ZC3H18: variants seen among roughly 807,000 people sequenced by gnomAD.
ZC3H18 encodes zinc finger CCCH-type containing 18, also known as zinc finger CCCH domain-containing protein 18.
A neutral mutation model predicts 106.1 loss-of-function variants in ZC3H18; 8 were observed. The ratio of observed to expected loss-of-function variants is 0.08; its 90% CI spans 0.04 to 0.14. ZC3H18 has a LOEUF of 0.14. Among genes scored for constraint, ZC3H18 ranks in the 10% least tolerant of loss-of-function variants. The pLI, the probability that ZC3H18 is intolerant of heterozygous loss-of-function variation, is 1.00. For missense variants in ZC3H18, 1,318 were observed against 1,278.4 expected (o/e 1.03, Z -0.47); for synonymous variants, 635 against 522.1 (o/e 1.22, Z -2.95).
intron 3 of ZC3H18, chr16:88,587,671 G>A (rs1915515824): frequency 6.9e-7 from 1 of 1,448,478 alleles, no homozygotes; most frequent in South Asian, 1.2e-5. Context: ...TACTCCAGAG[G>A]CCAGACTTCC....
At chr16:88,572,085 C>T (rs148888048) in intron 1 of ZC3H18, among the ~76,000 whole-genome samples, 2 of 152,326 alleles carry the variant, frequency 1.3e-5, no homozygotes, top group African/African-American at 2.4e-5. Context: ...TGGTAGCTCA[C>T]CTTATCAGGT....
chr16:88,570,764 C>A (rs1320178396), intron 1 of ZC3H18, among the ~76,000 whole-genome samples, 198 bp downstream of exon 1: 1 of 151,972 alleles, frequency 6.6e-6, no homozygotes, highest in Non-Finnish European at 1.5e-5. Flanking sequence ...CGAGTTCCGT[C>A]CGTAAGCCGG....
chr16:88,630,444 G>T, intron 16 of ZC3H18, 41 bp from the exon 17 acceptor site: 2 of 1,559,458 alleles, frequency 1.3e-6, no homozygotes, highest in Non-Finnish European at 1.8e-6. Context: ...GCCATTCCCT[G>T]TACATCAGGA....
chr16:88,611,231 C>T (rs764952680), intron 7 of ZC3H18, 37 bp from the exon 8 acceptor site: 2 of 736,728 alleles, frequency 2.7e-6, no homozygotes, highest in South Asian at 1.5e-5. Context: ...ACCCAAATAA[C>T]GCACGGTGTC....
Position 88,627,965 on chromosome 16 carries a change from G to A in ZC3H18, c.2315G>A (p.Arg772Lys). Residue 772 changes from arginine (R) to lysine (K), a missense_variant, in exon 15 of 18, where the codon AGG becomes AAG. Around this residue, in one of 6 missense-constraint regions of ZC3H18, gnomAD observed 848 missense variants for 821.7 expected, o/e 1.03. Transcript: ENST00000301011. This position sits in a 1 kb window ranked among gnomAD's most constrained non-coding sequence, Gnocchi z 4.5. ...GGTGTTAAAGAGGAAAAGCGGAAAA[G>A]GGATTCGTCCACACAACCACCCAAA... Reference protein sequence around the residue: ...EDGVKEEKRKRDSSTQPPKSA... With the variant: ...EDGVKEEKRKKDSSTQPPKSA... 6.2e-7 allele frequency: 1 copy of A among 1,614,146 alleles called. No homozygotes were observed. The highest frequency in any genetic ancestry group is 8.5e-7 in the Non-Finnish European group (1 of 1,180,040).
intron 6 of ZC3H18, 174 bp from the exon 7 acceptor site, chr16:88,608,760 C>T: frequency 5.6e-6 from 3 of 534,036 alleles, no homozygotes; most frequent in Non-Finnish European, 1.0e-5. Flanking sequence ...TGACTTCTGG[C>T]CTGCTCTTAG....
intron 12 of ZC3H18, 63 bp downstream of exon 12, chr16:88,624,808 G>A: frequency 6.6e-7 from 1 of 1,524,080 alleles, no homozygotes; most frequent in Non-Finnish European, 8.8e-7. Context: ...TGTGATGCTG[G>A]CACTGCTGGA....
chr16:88,583,887 G>A (rs1017010284), intron 2 of ZC3H18, among the ~76,000 whole-genome samples: 35 of 152,050 alleles, frequency 2.3e-4, no homozygotes, highest in African/African-American at 7.0e-4. Context: ...TCTGTGGCTC[G>A]GGTCACATGA....
intron 6 of ZC3H18, among the ~76,000 whole-genome samples, chr16:88,603,541 C>T (rs952549598): frequency 7.3e-4 from 110 of 150,790 alleles, no homozygotes; most frequent in African/African-American, 2.5e-3. Flanking sequence ...GAGAATTGCT[C>T]GAACCTGGGA....
At chr16:88,626,870 G>T (rs1442678370) in intron 13 of ZC3H18, among the ~76,000 whole-genome samples, 1 of 152,200 alleles carries the variant, frequency 6.6e-6, no homozygotes, top group Admixed American at 6.5e-5. Context: ...CTACAGACCT[G>T]CTGTTTCCAG....
chr16:88,624,957 C>T (rs1906209413), intron 12 of ZC3H18, among the ~76,000 whole-genome samples: 1 of 152,176 alleles, frequency 6.6e-6, no homozygotes, highest in Non-Finnish European at 1.5e-5. Context: ...GAAGGGACAG[C>T]GTGGCACGGA....
At chr16:88,573,166 G>T (rs1914517070) in intron 1 of ZC3H18, among the ~76,000 whole-genome samples, 1 of 152,086 alleles carries the variant, frequency 6.6e-6, no homozygotes, top group Non-Finnish European at 1.5e-5. Flanking sequence ...TATAAAACAT[G>T]AGAATCAGAA....
chr16:88,631,517 C>T lies in ZC3H18; in HGVS notation c.*218C>T, dbSNP rs532354873. ...AGAAGTCCCGCAGGACAGACAGACA[C>T]AGACAGCGCTAGTGACCAGCACGGT... is the stretch of plus-strand genomic sequence containing the variant. On this transcript the variant is annotated 3_prime_UTR_variant, in exon 18 of 18. Coordinates refer to ENST00000301011, the MANE Select transcript of ZC3H18 (RefSeq NM_144604.4). The T allele has an allele frequency of 1.5e-6, 1 of 679,778 alleles. No individual in the cohort carries two copies. Among genetic ancestry groups the T allele is most frequent in the African/African-American group, 1.8e-5 (1 of 56,586 alleles). 42.1% of individuals were successfully genotyped at this position (679,778 alleles called of 1,614,324 possible). A position where few individuals can be genotyped will look rare whatever the true frequency, so the allele number is the denominator to read the frequency against.
intron 2 of ZC3H18, among the ~76,000 whole-genome samples, chr16:88,582,864 C>G (rs546681034): frequency 1.3e-5 from 2 of 152,178 alleles, no homozygotes; most frequent in Non-Finnish European, 2.9e-5. Context: ...GGAGGGTCCC[C>G]GAGACCTCTG....
rs754214680 is a variant in ZC3H18 at position 88,631,163 on chromosome 16, C to T, written c.2726C>T (p.Ala909Val). The T allele has an allele frequency of 8.7e-6, 14 of 1,613,448 alleles. No homozygotes were observed. Among genetic ancestry groups the T allele is most frequent in the Non-Finnish European group, 1.2e-5 (14 of 1,180,030 alleles). ...AAGGTCACGAGCGTGCCCGGCAAAG[C>T]CTCGGATCCCGGCGCCGCCAGCACC... The part of the protein sequence containing the change: ...SSKVTSVPGK[A>V]SDPGAASTKS... The change falls in exon 18 of 18, where the codon GCC (alanine) becomes GTC (valine). Residue 909 changes from alanine to valine, a missense_variant. By Grantham distance (64) the Ala-to-Val change is moderately conservative (BLOSUM62 0). Around this residue, in one of 6 missense-constraint regions of ZC3H18, gnomAD observed 848 missense variants for 821.7 expected, o/e 1.03. Transcript: ENST00000301011.
rs377133202 is a variant in ZC3H18, at chr16:88,631,164, C to G, written c.2727C>G (p.Ala909=). The G allele has an allele frequency of 1.9e-6, 3 of 1,613,616 alleles. No homozygotes were observed. The South Asian group carries it at 3.3e-5, about 18-fold the overall frequency. ...SSKVTSVPGK[A]SDPGAASTKS... ...AGGTCACGAGCGTGCCCGGCAAAGCCTCGGATCCCGGCGCCGCCAGCACCA... is the reference window on the plus strand; with the variant it reads ...AGGTCACGAGCGTGCCCGGCAAAGCGTCGGATCCCGGCGCCGCCAGCACCA... Residue 909 remains alanine (A), a synonymous_variant, in exon 18 of 18, where the codon GCC becomes GCG. Transcript: ENST00000301011.
At position 88,597,494 on chromosome 16, in the gene ZC3H18, C is replaced by A. The variant is rs1904500855; in HGVS notation, c.689-684C>A. 2.0e-5 allele frequency among the ~76,000 whole-genome samples: 3 copies of A among 152,150 alleles called. No individual in the cohort carries two copies. In the South Asian group the frequency reaches 6.2e-4, roughly 31 times the overall value. ...CACATTATCTATTCCCAAAAAAGTA[C>A]ATTTTAAAAAAGTGATTCACTCAGT... On this transcript the variant is annotated intron_variant, in intron 3 of 17. Coordinates refer to ENST00000301011, the MANE Select transcript of ZC3H18 (RefSeq NM_144604.4).
chr16:88,571,387 T>C (rs1914397503), intron 1 of ZC3H18, among the ~76,000 whole-genome samples: 1 of 152,240 alleles, frequency 6.6e-6, no homozygotes, highest in South Asian at 2.1e-4. Context: ...GTGCTCATCA[T>C]GTCTCCTGTT....
At chr16:88,613,703 G>A (rs1372296788) in intron 8 of ZC3H18, among the ~76,000 whole-genome samples, 2 of 152,180 alleles carry the variant, frequency 1.3e-5, no homozygotes, top group Admixed American at 6.5e-5. Flanking sequence ...TGAGTGGTAA[G>A]AGTCCTTTAT....
Sources: gnomAD v4.1 joint callset for allele counts (sites outside exome capture counted in the v4.1 genomes callset) on GRCh38, gnomAD v4.1.1 for gene constraint, gnomAD v4.1.1 regional missense constraint, Gnocchi (gnomAD v3.1) non-coding constraint, MANE v1.5 for transcripts, NCBI Gene and HGNC (gene_info 2026-07-23, HGNC 2026-07-21) for gene names.